The following ANKMY2 variants were observed in gnomAD, a reference collection of about 807,000 sequenced individuals.
ANKMY2 encodes the protein ankyrin repeat and MYND domain-containing protein 2.
In ANKMY2, 36 loss-of-function variants were observed where a neutral mutation model predicts 50.4. The observed-to-expected ratio is 0.71, with a 90% CI of 0.55 to 0.94. ANKMY2 has a LOEUF of 0.94. ANKMY2 is among the 40% of genes least tolerant of loss of function. The probability of loss-of-function intolerance (pLI) is 0.00; values close to 1 mark genes in which losing one functional copy is unlikely to be tolerated. For missense variants in ANKMY2, 565 were observed against 524.0 expected (o/e 1.08, Z -0.76); for synonymous variants, 187 against 178.8 (o/e 1.05, Z -0.36).
intron 2 of ANKMY2, among the ~76,000 whole-genome samples, chr7:16,630,122 A>G (rs1303930095): frequency 6.6e-6 from 1 of 152,214 alleles, no homozygotes; most frequent in Admixed American, 6.5e-5. Flanking sequence ...GAAATAACTT[A>G]GTATCAGACA....
At chr7:16,606,281 A>C (rs186148329) in intron 7 of ANKMY2, among the ~76,000 whole-genome samples, 95 of 152,156 alleles carry the variant, frequency 6.2e-4, no homozygotes, top group African/African-American at 2.3e-3. Context: ...AAATACAAAA[A>C]TTAGCCAGGC....
intron 2 of ANKMY2, among the ~76,000 whole-genome samples, chr7:16,631,430 G>A (rs1375287272): frequency 1.3e-5 from 2 of 152,120 alleles, no homozygotes; most frequent in Non-Finnish European, 2.9e-5. Context: ...TAAATGAGTT[G>A]AGTATCTTCC....
intron 1 of ANKMY2, among the ~76,000 whole-genome samples, chr7:16,639,412 A>G (rs1781716875): frequency 1.3e-5 from 2 of 152,194 alleles, no homozygotes; most frequent in African/African-American, 4.8e-5. Context: ...ACAGACCTAA[A>G]CTAATTAAAG....
chr7:16,606,510 A>G (rs753484659), intron 7 of ANKMY2, among the ~76,000 whole-genome samples: 4 of 152,002 alleles, frequency 2.6e-5, no homozygotes, highest in Non-Finnish European at 5.9e-5. Flanking sequence ...AAATAATCAC[A>G]GCGTTTCTAT....
At chr7:16,631,037 A>G (rs1295843511) in intron 2 of ANKMY2, among the ~76,000 whole-genome samples, 2 of 152,232 alleles carry the variant, frequency 1.3e-5, no homozygotes, top group African/African-American at 4.8e-5. Flanking sequence ...AACATTAAAT[A>G]TGATGCTAAA....
intron 7 of ANKMY2, among the ~76,000 whole-genome samples, chr7:16,608,676 G>T (rs996931529): frequency 5.3e-5 from 8 of 152,122 alleles, no homozygotes; most frequent in Non-Finnish European, 1.2e-4. Flanking sequence ...AGCATGAATG[G>T]GTATAGATAG....
chr7:16,637,183 T>C (rs1781674957), intron 1 of ANKMY2, among the ~76,000 whole-genome samples: 1 of 152,324 alleles, frequency 6.6e-6, no homozygotes, highest in Non-Finnish European at 1.5e-5. Context: ...AAGAAATTTC[T>C]GGTTTTACTG....
At chr7:16,604,517 T>C (rs1781121328) in intron 8 of ANKMY2, among the ~76,000 whole-genome samples, 1 of 152,234 alleles carries the variant, frequency 6.6e-6, no homozygotes, top group Non-Finnish European at 1.5e-5. Context: ...ACTGGCAGTT[T>C]AGCAGAAGAC....
intron 5 of ANKMY2, among the ~76,000 whole-genome samples, chr7:16,613,558 T>C (rs1781291823): frequency 6.6e-6 from 1 of 152,164 alleles, no homozygotes; most frequent in Non-Finnish European, 1.5e-5. Context: ...CTCCAAAAAA[T>C]ATTATGTAGT....
chr7:16,644,796 G>A (rs541418379), intron 1 of ANKMY2: 5 of 459,706 alleles, frequency 1.1e-5, no homozygotes, highest in South Asian at 7.9e-5. Context: ...ACTCAGCACT[G>A]CGGAAGTGGG....
intron 2 of ANKMY2, among the ~76,000 whole-genome samples, chr7:16,631,527 G>C (rs767234661): frequency 5.3e-5 from 8 of 152,020 alleles, no homozygotes; most frequent in Non-Finnish European, 1.2e-4. Context: ...CTGGTTTGCA[G>C]CTTTTGAAGG....
chr7:16,641,124 C>T (rs148384596), intron 1 of ANKMY2, among the ~76,000 whole-genome samples: 9,936 of 152,170 alleles, frequency 0.065, 586 homozygotes, highest in African/African-American at 0.14. Context: ...ATCCCAGCTA[C>T]TCAGTAGGCT....
Position 16,600,718 on chromosome 7 carries a change from C to G in ANKMY2, c.*43G>C. On this transcript the variant is annotated 3_prime_UTR_variant, in exon 10 of 10. Transcript: ENST00000306999. ...TGCATTCCTAGGAGTTTTCCAGCTTCTTGCAGGGTGAGGATCATCCACACT... is the reference window on the plus strand; with the variant it reads ...TGCATTCCTAGGAGTTTTCCAGCTTGTTGCAGGGTGAGGATCATCCACACT... 6.6e-7 allele frequency: 1 copy of G among 1,513,226 alleles called. No homozygotes were observed. The highest frequency in any genetic ancestry group is 1.4e-5 in the South Asian group (1 of 73,976). 93.7% of individuals were successfully genotyped at this position (1,513,226 alleles called of 1,614,324 possible).
chr7:16,643,970 G>A (rs2128347468), intron 1 of ANKMY2, among the ~76,000 whole-genome samples: 1 of 152,300 alleles, frequency 6.6e-6, no homozygotes, highest in African/African-American at 2.4e-5. Context: ...ACTCCAGCCT[G>A]GGTGAAGAGT....
chr7:16,644,110 T>C (rs1781781934), intron 1 of ANKMY2, among the ~76,000 whole-genome samples: 1 of 152,194 alleles, frequency 6.6e-6, no homozygotes, highest in African/African-American at 2.4e-5. Context: ...ATTGATCCTT[T>C]GTCTCCTTTT....
intron 5 of ANKMY2, among the ~76,000 whole-genome samples, chr7:16,611,468 TG>T (rs1188137019): frequency 6.6e-6 from 1 of 152,242 alleles, no homozygotes; most frequent in African/African-American, 2.4e-5. Flanking sequence ...GGAGTATTTT[TG>T]TATTAGCTTT....
chr7:16,644,927 T>G lies in ANKMY2; in HGVS notation c.67+580A>C, dbSNP rs148834683. ...GCCAATTTCCTTGTCTCTCTAGGGT[T>G]CCTGAGGCTGTCGGGGCTTCTGGAA... On this transcript the variant is annotated intron_variant, in intron 1 of 9. Coordinates refer to ENST00000306999, the MANE Select transcript of ANKMY2 (RefSeq NM_020319.3). 10 of 336,664 alleles carry G rather than the reference T, an allele frequency of 3.0e-5. No individual in the cohort carries two copies. In the East Asian group the frequency reaches 9.1e-4, roughly 31 times the overall value. 20.9% of individuals were successfully genotyped at this position (336,664 alleles called of 1,614,324 possible).
At chr7:16,626,020 C>G (rs1012982890) in intron 3 of ANKMY2, among the ~76,000 whole-genome samples, 3 of 130,570 alleles carry the variant, frequency 2.3e-5, no homozygotes, top group Non-Finnish European at 4.6e-5. Flanking sequence ...CTCACTGTGT[C>G]ACCCAGGCTC....
chr7:16,605,568 G>A (rs1781142770), intron 7 of ANKMY2, among the ~76,000 whole-genome samples: 1 of 151,766 alleles, frequency 6.6e-6, no homozygotes, highest in Non-Finnish European at 1.5e-5. Flanking sequence ...CTCGATCTTG[G>A]CTCACTGCAA....
Sources: gnomAD v4.1 joint callset for allele counts (sites outside exome capture counted in the v4.1 genomes callset) on GRCh38, gnomAD v4.1.1 for gene constraint, MANE v1.5 for transcripts, NCBI Gene and HGNC (gene_info 2026-07-23, HGNC 2026-07-21) for gene names.